Variants in KLRG1 observed in about 807,000 individuals in gnomAD.
KLRG1 encodes killer cell lectin-like receptor subfamily G member 1.
KLRG1 carries 16 observed loss-of-function variants against 21.8 expected under a neutral mutation model. The observed-to-expected ratio is 0.73, with a 90% confidence interval of 0.50 to 1.11. KLRG1 has a LOEUF of 1.11. KLRG1 is among the 50% of genes most tolerant of loss of function. The probability of loss-of-function intolerance (pLI) is 0.00; values close to 1 mark genes in which losing one functional copy is unlikely to be tolerated. For synonymous variants in KLRG1, 69 were observed against 75.9 expected, an observed-to-expected ratio of 0.91 and a Z score of 0.47; for missense variants, 173 against 218.3, an observed-to-expected ratio of 0.79 and a Z score of 1.31.
chr12:9,159,812 C>G, the KLRG1 span: 2 of 836,612 alleles, frequency 2.4e-6, no homozygotes, highest in Non-Finnish European at 3.7e-6. Flanking sequence ...AAATAAATTT[C>G]TTTTCTTTAT....
chr12:8,956,440 G>A (rs1336908426), intron 1 of KLRG1, among the ~76,000 whole-genome samples: 3 of 151,962 alleles, frequency 2.0e-5, no homozygotes, highest in Non-Finnish European at 4.4e-5. Flanking sequence ...ACCCCCCACC[G>A]CATTTTTTTT....
At chr12:9,110,906 G>T in the KLRG1 span, among the ~76,000 whole-genome samples, 1 of 152,032 alleles carries the variant, frequency 6.6e-6, no homozygotes, top group Non-Finnish European at 1.5e-5. Flanking sequence ...TACTAAAAAT[G>T]GATTAACATG....
the KLRG1 span, chr12:9,112,517 T>C: frequency 1.9e-6 from 3 of 1,613,718 alleles, no homozygotes; most frequent in Non-Finnish European, 2.5e-6. Context: ...TACCTCCTCA[T>C]TGGATGAAGA....
chr12:9,212,981 G>T, the KLRG1 span, among the ~76,000 whole-genome samples: 1 of 152,014 alleles, frequency 6.6e-6, no homozygotes, highest in Non-Finnish European at 1.5e-5. Flanking sequence ...ATACTAATTC[G>T]TGCATTCTCT....
At chr12:9,044,407 G>T in the KLRG1 span, among the ~76,000 whole-genome samples, 2 of 152,216 alleles carry the variant, frequency 1.3e-5, no homozygotes, top group South Asian at 4.2e-4. Context: ...GCTCACACCT[G>T]TAATTCCAAC....
chr12:9,180,816 A>C, the KLRG1 span, among the ~76,000 whole-genome samples: 1 of 152,230 alleles, frequency 6.6e-6, no homozygotes, highest in African/African-American at 2.4e-5. Flanking sequence ...TAATTAAACT[A>C]AAGAGCTTCT....
At chr12:9,207,887 A>G in the KLRG1 span, among the ~76,000 whole-genome samples, 2 of 152,190 alleles carry the variant, frequency 1.3e-5, no homozygotes, top group African/African-American at 2.4e-5. Context: ...TAAAGGAGCT[A>G]TACTTTCTGT....
the KLRG1 span, among the ~76,000 whole-genome samples, chr12:9,142,645 ACAGACAAC>A: frequency 1.3e-5 from 2 of 152,192 alleles, no homozygotes; most frequent in Non-Finnish European, 2.9e-5. Context: ...ATATAGCCAC[ACAGACAAC>A]CAGAAGAAAA....
At chr12:9,171,623 T>G in the KLRG1 span, among the ~76,000 whole-genome samples, 1 of 152,142 alleles carries the variant, frequency 6.6e-6, no homozygotes, top group African/African-American at 2.4e-5. Flanking sequence ...GTAGCCAGAA[T>G]AGCCAGTTTA....
At chr12:9,197,058 A>G in the KLRG1 span, 1 of 1,613,650 alleles carries the variant, frequency 6.2e-7, no homozygotes. Flanking sequence ...ACAATTAAGA[A>G]CACGAGATAA....
the KLRG1 span, among the ~76,000 whole-genome samples, chr12:9,143,708 G>A: frequency 6.6e-6 from 1 of 152,128 alleles, no homozygotes; most frequent in East Asian, 1.9e-4. Flanking sequence ...GCCATTAGCT[G>A]TCATTATCTA....
the KLRG1 span, among the ~76,000 whole-genome samples, chr12:9,080,712 AC>A: frequency 6.6e-6 from 1 of 152,238 alleles, no homozygotes; most frequent in Non-Finnish European, 1.5e-5. Flanking sequence ...GTGAAGACGA[AC>A]AGTATTTGAT....
intron 1 of KLRG1, among the ~76,000 whole-genome samples, chr12:8,955,511 T>G (rs1392207787): frequency 8.0e-6 from 1 of 124,606 alleles, no homozygotes; most frequent in Non-Finnish European, 1.9e-5. Flanking sequence ...CCAGCTAGCC[T>G]GTGGAGTAGG....
chr12:9,068,166 G>A, the KLRG1 span: 1 of 1,612,772 alleles, frequency 6.2e-7, no homozygotes, highest in Non-Finnish European at 8.5e-7. Flanking sequence ...CCTTTTGGAG[G>A]AGTGTGAGTG....
At chr12:9,028,296 C>T in the KLRG1 span, among the ~76,000 whole-genome samples, 4 of 151,720 alleles carry the variant, frequency 2.6e-5, no homozygotes, top group Middle Eastern at 3.2e-3. Flanking sequence ...GGATTACAGG[C>T]GTGTGCCACC....
chr12:9,106,388 T>C, the KLRG1 span: 1 of 1,498,710 alleles, frequency 6.7e-7, no homozygotes, highest in East Asian at 2.3e-5. Flanking sequence ...GGAAGAATGA[T>C]GTCTCTAAAA....
the KLRG1 span, among the ~76,000 whole-genome samples, chr12:9,204,773 G>A: frequency 1.3e-5 from 2 of 152,034 alleles, no homozygotes; most frequent in Non-Finnish European, 2.9e-5. Flanking sequence ...TCACATGGGT[G>A]GATAGGTTAT....
the KLRG1 span, chr12:9,068,788 T>G: frequency 2.5e-6 from 4 of 1,609,530 alleles, no homozygotes; most frequent in Non-Finnish European, 2.5e-6. Context: ...TTCAGATCTC[T>G]TACTGGGACA....
chr12:9,110,157 G>A, the KLRG1 span: 3 of 1,190,620 alleles, frequency 2.5e-6, no homozygotes, highest in South Asian at 4.5e-5. Context: ...TAAAGGGTGA[G>A]TAGAGGAGAT....
Sources: gnomAD v4.1 joint callset for allele counts (sites outside exome capture counted in the v4.1 genomes callset) on GRCh38, gnomAD v4.1.1 for gene constraint, MANE v1.5 for transcripts, NCBI Gene and HGNC (gene_info 2026-07-23, HGNC 2026-07-21) for gene names.